The following HNF4A variants were observed in gnomAD, a reference collection of about 807,000 sequenced individuals.
HNF4A encodes hepatocyte nuclear factor 4-alpha.
HNF4A carries 15 observed loss-of-function variants against 52.4 expected under a neutral mutation model. That is an observed-to-expected ratio of 0.29 (90% CI 0.19 to 0.44). The LOEUF is 0.44. Ranked by LOEUF, HNF4A falls within the 20% of genes least tolerant of loss-of-function variation. The probability of loss-of-function intolerance (pLI) is 1.00; values close to 1 mark genes in which losing one functional copy is unlikely to be tolerated. For missense variants in HNF4A, 479 were observed against 647.2 expected, an observed-to-expected ratio of 0.74 and a Z score of 2.82; for synonymous variants, 280 against 264.4, an observed-to-expected ratio of 1.06 and a Z score of -0.57.
intron 2 of HNF4A, 53 bp from the exon 3 acceptor site, chr20:44,407,328 C>G: frequency 7.3e-7 from 1 of 1,361,030 alleles, no homozygotes; most frequent in Non-Finnish European, 1.0e-6. Flanking sequence ...TAGTTCTGTC[C>G]TAAGAGGAGG....
At chr20:44,406,754 G>A (rs1380328735) in intron 2 of HNF4A, among the ~76,000 whole-genome samples, 1 of 152,244 alleles carries the variant, frequency 6.6e-6, no homozygotes, top group Non-Finnish European at 1.5e-5. Flanking sequence ...GCGAGCACTT[G>A]TCATGTACAA....
At chr20:44,397,880 G>A (rs1320484473), upstream of HNF4A, among the ~76,000 whole-genome samples, 4 of 152,122 alleles carry the variant, frequency 2.6e-5, no homozygotes, top group Non-Finnish European at 5.9e-5. Context: ...GCCTGCCTCG[G>A]CCTCCCAAGA....
In HNF4A at chr20:44,414,650, C is replaced by A. The variant is rs1468333029; in HGVS notation, c.636C>A (p.Pro212=). Residue 212 remains proline (P), a synonymous_variant, in exon 5 of 10, where the codon CCC becomes CCA. Transcript: ENST00000316099. ...ACATCCCAGCTTTCTGCGAGCTCCC[C>A]CTGGACGACCAGGTGAGGATGGGCG... The A allele has an allele frequency of 6.2e-7, 1 of 1,607,112 alleles. No homozygotes were observed. Among genetic ancestry groups the A allele is most frequent in the East Asian group, 2.2e-5 (1 of 44,726 alleles).
intron 1 of HNF4A, among the ~76,000 whole-genome samples, chr20:44,367,781 A>T (rs192514190): frequency 1.3e-5 from 2 of 151,990 alleles, no homozygotes; most frequent in African/African-American, 2.4e-5. Flanking sequence ...AAAATAAATA[A>T]ATAAATAAAT....
In HNF4A at chr20:44,429,466, T is replaced by C; in HGVS notation, c.1283-57T>C. The C allele has an allele frequency of 2.5e-6, 4 of 1,612,026 alleles. No individual in the cohort carries two copies. In the South Asian group the frequency reaches 4.4e-5, roughly 18 times the overall value. ...GAGAACTTTCCCGGGCCTCTTCATTTACTCCCACAAAGGCTGGAATTTTGA... is the reference window on the plus strand; with the variant it reads ...GAGAACTTTCCCGGGCCTCTTCATTCACTCCCACAAAGGCTGGAATTTTGA... On this transcript the variant is annotated intron_variant, in intron 9 of 9. Coordinates refer to ENST00000316099, the MANE Select transcript of HNF4A (RefSeq NM_000457.6).
upstream of HNF4A, among the ~76,000 whole-genome samples, chr20:44,398,341 A>C: frequency 1.3e-5 from 2 of 152,278 alleles, 1 homozygote; most frequent in Admixed American, 1.3e-4. Context: ...ACACGTCTCC[A>C]GTTACTTTGC....
At chr20:44,373,576 T>A (rs746177949) in intron 1 of HNF4A, among the ~76,000 whole-genome samples, 1 of 151,962 alleles carries the variant, frequency 6.6e-6, no homozygotes, top group African/African-American at 2.4e-5. Flanking sequence ...GGAGGAGAAA[T>A]AAAACCAAAC....
At chr20:44,358,687 T>C (rs2062886246) in intron 1 of HNF4A, among the ~76,000 whole-genome samples, 1 of 152,122 alleles carries the variant, frequency 6.6e-6, no homozygotes. Context: ...GGGGATAACA[T>C]TAATCATCTC....
chr20:44,428,863 G>T (rs1038605712), intron 9 of HNF4A, among the ~76,000 whole-genome samples: 3 of 152,176 alleles, frequency 2.0e-5, no homozygotes, highest in African/African-American at 7.2e-5. Context: ...ATTGGGTCAG[G>T]ATGTCTGCTG....
At chr20:44,414,141 C>T (rs1168613210) in intron 4 of HNF4A, among the ~76,000 whole-genome samples, 4 of 152,224 alleles carry the variant, frequency 2.6e-5, no homozygotes, top group East Asian at 1.9e-4. Context: ...CCAGCCCTTC[C>T]CTTGCTGAGT....
upstream of HNF4A, among the ~76,000 whole-genome samples, chr20:44,398,882 C>T (rs2063376892): frequency 6.6e-6 from 1 of 152,180 alleles, no homozygotes; most frequent in African/African-American, 2.4e-5. Context: ...GAAATTCTGA[C>T]ATGACATTGA....
At chr20:44,366,263 G>C (rs1202434602) in intron 1 of HNF4A, among the ~76,000 whole-genome samples, 1 of 152,098 alleles carries the variant, frequency 6.6e-6, no homozygotes, top group Non-Finnish European at 1.5e-5. Context: ...TTGATGTTGT[G>C]ATAATAGCAA....
intron 1 of HNF4A, among the ~76,000 whole-genome samples, chr20:44,367,879 T>G (rs1005752559): frequency 7.9e-5 from 12 of 151,694 alleles, no homozygotes; most frequent in African/African-American, 2.9e-4. Context: ...AGAGACTAAA[T>G]AGCTTACTCA....
intron 7 of HNF4A, among the ~76,000 whole-genome samples, chr20:44,423,728 C>T (rs1461502332): frequency 6.6e-6 from 1 of 152,186 alleles, no homozygotes; most frequent in Non-Finnish European, 1.5e-5. Flanking sequence ...TAAGATGAGG[C>T]GGTTGCTAGG....
intron 3 of HNF4A, among the ~76,000 whole-genome samples, chr20:44,412,751 G>C (rs1198124260): frequency 1.3e-5 from 2 of 152,132 alleles, no homozygotes; most frequent in African/African-American, 4.8e-5. Flanking sequence ...GATCACGACA[G>C]CACTGGGGTG....
intron 5 of HNF4A, among the ~76,000 whole-genome samples, chr20:44,418,220 G>T (rs562078416): frequency 6.6e-6 from 1 of 152,142 alleles, no homozygotes; most frequent in African/African-American, 2.4e-5. Flanking sequence ...CAGAGTCAGC[G>T]CGAGGTCTCT....
At chr20:44,358,337 C>T (rs1257280726) in intron 1 of HNF4A, among the ~76,000 whole-genome samples, 4 of 151,976 alleles carry the variant, frequency 2.6e-5, no homozygotes, top group Non-Finnish European at 5.9e-5. Flanking sequence ...AGGCTGGGTG[C>T]AGTGGCTCAC....
intron 9 of HNF4A, 58 bp downstream of exon 9, chr20:44,428,545 G>A: frequency 6.4e-7 from 1 of 1,551,202 alleles, no homozygotes; most frequent in South Asian, 1.1e-5. Flanking sequence ...TAAGACAGGA[G>A]GCAGGAGAAA....
At chr20:44,410,308 T>TG (rs1325183395) in intron 3 of HNF4A, among the ~76,000 whole-genome samples, 1 of 152,026 alleles carries the variant, frequency 6.6e-6, no homozygotes, top group African/African-American at 2.4e-5. Context: ...TGATGGCGAG[T>TG]GAGCGTGGGT....
Sources: gnomAD v4.1 joint callset for allele counts (sites outside exome capture counted in the v4.1 genomes callset) on GRCh38, gnomAD v4.1.1 for gene constraint, MANE v1.5 for transcripts, NCBI Gene and HGNC (gene_info 2026-07-23, HGNC 2026-07-21) for gene names.